The following MACROD2 variants were observed in gnomAD, a reference collection of about 807,000 sequenced individuals.
MACROD2 encodes ADP-ribose glycohydrolase MACROD2.
Under a neutral mutation model 70.4 loss-of-function variants are expected in MACROD2, and 36 were observed. The observed-to-expected ratio is 0.51, with a 90% CI of 0.39 to 0.68. The LOEUF is 0.68. Among genes scored for constraint, MACROD2 ranks in the 30% least tolerant of loss-of-function variants. MACROD2 has a pLI of 0.00. For missense variants in MACROD2, 496 were observed against 538.4 expected (o/e 0.92, Z 0.78); for synonymous variants, 172 against 178.8 (o/e 0.96, Z 0.30).
chr20:15,038,285 A>G (rs2123018942), intron 5 of MACROD2, among the ~76,000 whole-genome samples: 1 of 152,330 alleles, frequency 6.6e-6, no homozygotes, highest in East Asian at 1.9e-4. Flanking sequence ...AAACTAGGTT[A>G]TGTACATGAT....
At chr20:16,042,362 G>C (rs2147613803) in intron 16 of MACROD2, among the ~76,000 whole-genome samples, 1 of 152,086 alleles carries the variant, frequency 6.6e-6, no homozygotes, top group East Asian at 1.9e-4. Context: ...CTACAGACAT[G>C]GTTCTTAACT....
chr20:14,208,951 G>A (rs181616352), intron 3 of MACROD2, among the ~76,000 whole-genome samples: 1 of 152,284 alleles, frequency 6.6e-6, no homozygotes, highest in Non-Finnish European at 1.5e-5. Context: ...TTAAAAGACA[G>A]TTTTCTCGTA....
intron 13 of MACROD2, among the ~76,000 whole-genome samples, chr20:15,982,812 G>A (rs2066420697): frequency 6.6e-6 from 1 of 152,336 alleles, no homozygotes; most frequent in Non-Finnish European, 1.5e-5. Flanking sequence ...CCACAGCATG[G>A]CAGGACTTTA....
At position 14,133,950 on chromosome 20, in the gene MACROD2, A is replaced by G. The variant is rs144044589; in HGVS notation, c.271+48222A>G. Among the ~76,000 whole-genome samples, 67 of 152,306 alleles carry G rather than the reference A, an allele frequency of 4.4e-4. No homozygotes were observed. In the East Asian group the frequency reaches 0.013, roughly 29 times the overall value. ...GCTGTGGAAATATAGAGTCCTATCTATTTTGGCCCAGCTAGAGATAACTCT... is the reference window on the plus strand; with the variant it reads ...GCTGTGGAAATATAGAGTCCTATCTGTTTTGGCCCAGCTAGAGATAACTCT... On this transcript the variant is annotated intron_variant, in intron 3 of 17. Coordinates refer to ENST00000684519, the MANE Select transcript of MACROD2 (RefSeq NM_001351661.2).
At chr20:15,119,422 G>A (rs1260569091) in intron 5 of MACROD2, among the ~76,000 whole-genome samples, 2 of 152,158 alleles carry the variant, frequency 1.3e-5, no homozygotes, top group African/African-American at 2.4e-5. Flanking sequence ...TTGTACAGAG[G>A]TGCAAACAGG....
chr20:14,110,775 A>G (rs1382217795), intron 3 of MACROD2, among the ~76,000 whole-genome samples: 1 of 152,044 alleles, frequency 6.6e-6, no homozygotes, highest in African/African-American at 2.4e-5. Context: ...GGAAGAATCA[A>G]TAATGTTAAA....
At chr20:15,234,707 A>G (rs1046705814) in intron 6 of MACROD2, among the ~76,000 whole-genome samples, 4 of 152,162 alleles carry the variant, frequency 2.6e-5, no homozygotes, top group African/African-American at 9.7e-5. Context: ...AAAACATACT[A>G]ACAGAAATCG....
chr20:16,000,584 G>C (rs1391352503), intron 15 of MACROD2, among the ~76,000 whole-genome samples: 1 of 152,166 alleles, frequency 6.6e-6, no homozygotes, highest in Non-Finnish European at 1.5e-5. Context: ...TAGAATAATA[G>C]TTTAAGTTTC....
intron 3 of MACROD2, among the ~76,000 whole-genome samples, chr20:14,320,721 T>C (rs2082652442): frequency 6.6e-6 from 1 of 151,044 alleles, no homozygotes; most frequent in Non-Finnish European, 1.5e-5. Context: ...ATCTGGGAGC[T>C]TTTAATTTAG....
At chr20:14,062,567 G>C (rs1291072731) in intron 2 of MACROD2, among the ~76,000 whole-genome samples, 4 of 152,144 alleles carry the variant, frequency 2.6e-5, no homozygotes, top group Non-Finnish European at 1.5e-5. Flanking sequence ...CATTTGATGA[G>C]ATCAAGGTGG....
At chr20:14,576,534 C>T (rs1330499523) in intron 4 of MACROD2, among the ~76,000 whole-genome samples, 2 of 152,072 alleles carry the variant, frequency 1.3e-5, no homozygotes, top group Non-Finnish European at 2.9e-5. Context: ...TTTTGGGAAC[C>T]AGTTGATTAA....
chr20:14,450,699 G>T (rs944296218), intron 3 of MACROD2, among the ~76,000 whole-genome samples: 1 of 152,028 alleles, frequency 6.6e-6, no homozygotes, highest in African/African-American at 2.4e-5. Flanking sequence ...TATACTTAAG[G>T]CTAACATGGG....
intron 2 of MACROD2, chr20:14,053,073 CT>C (rs1313991221): frequency 1.4e-5 from 2 of 147,664 alleles, no homozygotes; most frequent in Non-Finnish European, 3.0e-5. Flanking sequence ...TTATTTTCTC[CT>C]CTTCTTTTTT....
At chr20:14,961,533 T>C (rs560425115) in intron 5 of MACROD2, among the ~76,000 whole-genome samples, 2 of 152,254 alleles carry the variant, frequency 1.3e-5, no homozygotes, top group Admixed American at 1.3e-4. Flanking sequence ...GGTTGTTGTT[T>C]TGTTTTGTTT....
intron 4 of MACROD2, among the ~76,000 whole-genome samples, chr20:14,680,395 G>A (rs549139041): frequency 2.0e-5 from 3 of 152,190 alleles, no homozygotes; most frequent in East Asian, 1.9e-4. Context: ...TGGGTTTTCC[G>A]CTGAAACTCC....
In MACROD2 at chr20:14,944,455, G is replaced by A. The variant is rs192394070; in HGVS notation, c.418+259496G>A. Reference sequence around the variant, plus strand: ...AATTGTATACTGTGCCTTGAAAGTGGAATTATCCCCAATGATAACTTTTCT... The same window carrying A: ...AATTGTATACTGTGCCTTGAAAGTGAAATTATCCCCAATGATAACTTTTCT... On this transcript the variant is annotated intron_variant, in intron 5 of 17. Transcript: ENST00000684519. Among the ~76,000 whole-genome samples the A allele has an allele frequency of 3.1e-4, 47 of 152,232 alleles. 1 individual carries two copies. Among genetic ancestry groups the A allele is most frequent in the Admixed American group, 2.6e-3 (40 of 15,290 alleles).
chr20:14,007,254 A>T (rs1194272221), intron 2 of MACROD2, among the ~76,000 whole-genome samples: 1 of 152,186 alleles, frequency 6.6e-6, no homozygotes, highest in East Asian at 1.9e-4. Flanking sequence ...AGCAGAATAA[A>T]TGCCATATTT....
chr20:14,884,500 T>G (rs1194188278), intron 5 of MACROD2: 1 of 152,174 alleles, frequency 6.6e-6, no homozygotes, highest in African/African-American at 2.4e-5. Flanking sequence ...AAACTGCCAC[T>G]CTTTTTCAGT....
At chr20:15,845,709 A>G (rs1389829849) in intron 8 of MACROD2, among the ~76,000 whole-genome samples, 2 of 152,232 alleles carry the variant, frequency 1.3e-5, no homozygotes, top group Non-Finnish European at 2.9e-5. Flanking sequence ...AGCCTTGATA[A>G]GAGTGATAGC....
Sources: allele counts gnomAD v4.1 joint callset (sites outside exome capture counted in the v4.1 genomes callset), GRCh38; gene constraint gnomAD v4.1.1; transcripts MANE v1.5; gene names NCBI Gene and HGNC (gene_info 2026-07-23, HGNC 2026-07-21).